Variants in TRIM2 observed in about 807,000 individuals in gnomAD.
TRIM2 encodes the protein tripartite motif containing 2.
TRIM2 carries 20 observed loss-of-function variants against 75.2 expected under a neutral mutation model. That is an observed-to-expected ratio of 0.27 (90% CI 0.19 to 0.39). The LOEUF is 0.39. Among genes scored for constraint, TRIM2 ranks in the 10% least tolerant of loss-of-function variants. The pLI is 1.00. For synonymous variants in TRIM2, 373 were observed against 388.3 expected, an observed-to-expected ratio of 0.96 and a Z score of 0.46; for missense variants, 660 against 990.8, an observed-to-expected ratio of 0.67 and a Z score of 4.48.
chr4:153,194,235 C>T (rs1733533962), intron 1 of TRIM2, among the ~76,000 whole-genome samples: 1 of 152,164 alleles, frequency 6.6e-6, no homozygotes, highest in African/African-American at 2.4e-5. Flanking sequence ...CATCTCTCCC[C>T]TAATCTTAGA....
chr4:153,165,311 G>A (rs61168406), intron 1 of TRIM2, among the ~76,000 whole-genome samples: 1 of 152,120 alleles, frequency 6.6e-6, no homozygotes, highest in African/African-American at 2.4e-5. Flanking sequence ...TAATTTTTGA[G>A]CCCCTTGCTT....
intron 3 of TRIM2, among the ~76,000 whole-genome samples, chr4:153,281,854 A>G (rs1015486176): frequency 7.9e-5 from 12 of 152,240 alleles, no homozygotes; most frequent in Admixed American, 7.9e-4. Flanking sequence ...TGGAACACAA[A>G]TGATCATTAA....
rs867106321 is a variant in TRIM2, at chr4:153,315,676, A to G, written c.1614+88A>G. On this transcript the variant is annotated intron_variant, in intron 7 of 11. Transcript: ENST00000338700. ...TATTCCTACTTTAGACTTCAGATAC[A>G]TGGTGTAAGGAAAAAAGCTTATGTT... 3.9e-5 allele frequency: 56 copies of G among 1,436,310 alleles called. No individual in the cohort carries two copies. In the Middle Eastern group the frequency reaches 3.6e-3, roughly 92 times the overall value. The allele number at this position is 1,436,310 out of a possible 1,614,324, so 89.0% of individuals were successfully genotyped here. A position where few individuals can be genotyped will look rare whatever the true frequency, so the allele number is the denominator to read the frequency against.
At chr4:153,155,461 G>A (rs938277830) in intron 1 of TRIM2, among the ~76,000 whole-genome samples, 8 of 152,164 alleles carry the variant, frequency 5.3e-5, no homozygotes, top group Admixed American at 5.2e-4. Context: ...TAATGAGGTG[G>A]AAAGAGGAGA....
At chr4:153,181,181 T>C (rs568183582) in intron 1 of TRIM2, among the ~76,000 whole-genome samples, 11 of 152,296 alleles carry the variant, frequency 7.2e-5, no homozygotes, top group Admixed American at 3.3e-4. Flanking sequence ...GATACCATTA[T>C]TGAATCCATC....
At chr4:153,225,195 A>C (rs1741777590) in intron 1 of TRIM2, among the ~76,000 whole-genome samples, 1 of 152,216 alleles carries the variant, frequency 6.6e-6, no homozygotes, top group African/African-American at 2.4e-5. Flanking sequence ...TCACCACTCC[A>C]TGAAAAATGA....
chr4:153,305,234 C>G (rs537852316), intron 6 of TRIM2, among the ~76,000 whole-genome samples: 1 of 152,170 alleles, frequency 6.6e-6, no homozygotes, highest in Non-Finnish European at 1.5e-5. Context: ...TGGTAAGTTG[C>G]TTAGCCTCTC....
chr4:153,235,443 C>T (rs1203830669), intron 1 of TRIM2, among the ~76,000 whole-genome samples: 2 of 151,958 alleles, frequency 1.3e-5, no homozygotes, highest in Admixed American at 1.3e-4. Flanking sequence ...CACAACCATG[C>T]CTGCCTAATT....
chr4:153,314,412 T>A, intron 6 of TRIM2, among the ~76,000 whole-genome samples: 1 of 97,892 alleles, frequency 1.0e-5, no homozygotes, highest in African/African-American at 4.1e-5. Flanking sequence ...AGAGCGAGAC[T>A]CCGTCTCAAA....
rs76515950 is a variant in TRIM2 at position 153,194,778 on chromosome 4, A to G, written c.-49+41508A>G. On this transcript the variant is annotated intron_variant, in intron 1 of 11. Transcript: ENST00000437508. ...ATCTTCTCCTAAGATTTGATAAATAATTTCTTGTCTTCTAGGTTTTCTTCT... is the reference window on the plus strand; with the variant it reads ...ATCTTCTCCTAAGATTTGATAAATAGTTTCTTGTCTTCTAGGTTTTCTTCT... Among the ~76,000 whole-genome samples the G allele has an allele frequency of 7.7e-4, 118 of 152,268 alleles. 1 individual carries two copies. The East Asian group carries it at 0.019, about 25-fold the overall frequency.
intron 6 of TRIM2, among the ~76,000 whole-genome samples, chr4:153,296,749 G>A (rs1446509046): frequency 6.6e-6 from 1 of 152,220 alleles, no homozygotes; most frequent in African/African-American, 2.4e-5. Context: ...TATGTTCTCA[G>A]TAGAAAGCAA....
chr4:153,293,054 C>G lies in TRIM2; in HGVS notation c.526C>G (p.His176Asp), dbSNP rs1330482386. The G allele has an allele frequency of 6.2e-6, 10 of 1,613,774 alleles. No homozygotes were observed. In the Admixed American group the frequency reaches 1.7e-4, roughly 27 times the overall value. ...RECTEGEHAE[H>D]PTVPLKDVVE... ...GTGCACGGAGGGGGAGCACGCAGAG[C>G]ACCCCACAGTTCCACTCAAGGATGT... is the stretch of plus-strand genomic sequence containing the variant. Residue 176 changes from histidine (H) to aspartate (D), a missense_variant, in exon 4 of 12, where the codon CAC becomes GAC. Transcript: ENST00000338700.
At chr4:153,239,495 C>T (rs1395338990) in intron 1 of TRIM2, among the ~76,000 whole-genome samples, 1 of 151,772 alleles carries the variant, frequency 6.6e-6, no homozygotes, top group Non-Finnish European at 1.5e-5. Flanking sequence ...GAAAGTTATC[C>T]TCTATTTGTA....
intron 7 of TRIM2, 53 bp from the exon 8 acceptor site, chr4:153,315,779 C>T: frequency 3.1e-6 from 5 of 1,603,212 alleles, no homozygotes; most frequent in Non-Finnish European, 4.3e-6. Context: ...CTATGCCTTC[C>T]TCAGCAATGC....
intron 6 of TRIM2, among the ~76,000 whole-genome samples, chr4:153,305,834 G>C (rs76717301): frequency 1.3e-5 from 2 of 152,148 alleles, no homozygotes; most frequent in African/African-American, 4.8e-5. Flanking sequence ...TTTCTGGGGG[G>C]ACCCATTCAA....
At chr4:153,255,803 A>G (rs1459900177) in intron 1 of TRIM2, among the ~76,000 whole-genome samples, 2 of 152,226 alleles carry the variant, frequency 1.3e-5, no homozygotes, top group African/African-American at 2.4e-5. Flanking sequence ...ATGCTACCAC[A>G]TGGATGAACT....
chr4:153,237,398 A>G (rs1230306243), intron 1 of TRIM2, among the ~76,000 whole-genome samples: 2 of 152,122 alleles, frequency 1.3e-5, no homozygotes, highest in Admixed American at 6.6e-5. Context: ...AAGAGTCAAG[A>G]GGCCAGGAGC....
intron 6 of TRIM2, among the ~76,000 whole-genome samples, chr4:153,311,329 T>C (rs2150220932): frequency 6.6e-6 from 1 of 152,288 alleles, no homozygotes; most frequent in East Asian, 1.9e-4. Context: ...TGACTAGTAC[T>C]AAAGCACTAT....
chr4:153,215,538 CTG>C (rs1738244273), intron 1 of TRIM2, among the ~76,000 whole-genome samples: 2 of 151,708 alleles, frequency 1.3e-5, no homozygotes, highest in African/African-American at 4.8e-5. Flanking sequence ...AGGGGTGCAT[CTG>C]GAGTGTTTGA....
Sources: allele counts gnomAD v4.1 joint callset (sites outside exome capture counted in the v4.1 genomes callset), GRCh38; gene constraint gnomAD v4.1.1; transcripts MANE v1.5; gene names NCBI Gene and HGNC (gene_info 2026-07-23, HGNC 2026-07-21).